Variants in DCTN4 observed in about 807,000 individuals in gnomAD.
The protein encoded by DCTN4 is dynactin 4 (p62).
A neutral mutation model predicts 62.7 loss-of-function variants in DCTN4; 23 were observed. The ratio of observed to expected loss-of-function variants is 0.37; its 90% CI spans 0.26 to 0.52. The LOEUF is 0.52. Among genes scored for constraint, DCTN4 ranks in the 20% least tolerant of loss-of-function variants. The pLI, the probability that DCTN4 is intolerant of heterozygous loss-of-function variation, is 0.92. For missense variants in DCTN4, 514 were observed against 580.4 expected, an observed-to-expected ratio of 0.89 and a Z score of 1.18; for synonymous variants, 199 against 202.1, an observed-to-expected ratio of 0.98 and a Z score of 0.13.
intron 1 of DCTN4, among the ~76,000 whole-genome samples, chr5:150,757,298 C>T (rs116403306): frequency 0.014 from 2,142 of 152,300 alleles, 22 homozygotes; most frequent in Non-Finnish European, 0.019. Context: ...AACCTCTGCA[C>T]TGACTCATCA....
chr5:150,737,909 C>A (rs1760637432), intron 4 of DCTN4, among the ~76,000 whole-genome samples: 3 of 151,914 alleles, frequency 2.0e-5, no homozygotes, highest in African/African-American at 7.2e-5. Flanking sequence ...TCCAAATAAG[C>A]TCAATTAGAA....
At chr5:150,718,857 T>C (rs1160628985) in intron 10 of DCTN4, among the ~76,000 whole-genome samples, 4 of 152,204 alleles carry the variant, frequency 2.6e-5, no homozygotes, top group Non-Finnish European at 5.9e-5. Flanking sequence ...CTCACTCTGT[T>C]GCCCAGGCTG....
chr5:150,716,332 C>T (rs1759756643), intron 11 of DCTN4, among the ~76,000 whole-genome samples: 1 of 152,152 alleles, frequency 6.6e-6, no homozygotes. Flanking sequence ...GGTTCCAACA[C>T]AATGTTTTTT....
chr5:150,741,101 G>C (rs1760751828), intron 4 of DCTN4, among the ~76,000 whole-genome samples: 1 of 148,096 alleles, frequency 6.8e-6, no homozygotes, highest in Non-Finnish European at 1.5e-5. Flanking sequence ...GGAGGTTGAG[G>C]CTGCAGTGAG....
Position 150,722,987 on chromosome 5 carries a change from A to T in DCTN4, c.835-7T>A, listed in dbSNP as rs1450577408. 2 of 1,599,936 alleles carry T rather than the reference A, an allele frequency of 1.3e-6. No homozygotes were observed. Among genetic ancestry groups the T allele is most frequent in the Non-Finnish European group, 1.7e-6 (2 of 1,168,560 alleles). On this transcript the variant is annotated splice_polypyrimidine_tract_variant and splice_region_variant and intron_variant, in intron 8 of 12. Transcript: ENST00000447998. ...TCAAATTATGTTCACATTTCTAAAA[A>T]GAAAACAAATATAACACGTATCAGA...
chr5:150,731,388 C>T (rs1172952589), intron 6 of DCTN4, 28 bp downstream of exon 6: 1 of 1,593,780 alleles, frequency 6.3e-7, no homozygotes, highest in Non-Finnish European at 8.6e-7. Flanking sequence ...TGCTGTTCTC[C>T]TCAAAGTCAT....
At chr5:150,728,941 G>A (rs1457288987) in intron 8 of DCTN4, among the ~76,000 whole-genome samples, 1 of 143,658 alleles carries the variant, frequency 7.0e-6, no homozygotes, top group East Asian at 2.2e-4. Context: ...GCAGTGGTGT[G>A]ATTACTGCTC....
chr5:150,729,860 C>T (rs1049092533), intron 8 of DCTN4, among the ~76,000 whole-genome samples: 5 of 151,614 alleles, frequency 3.3e-5, no homozygotes, highest in Admixed American at 2.6e-4. Flanking sequence ...ATTTTTCTTT[C>T]CTTCTTTCCT....
At chr5:150,746,169 T>C (rs4269283) in intron 3 of DCTN4, among the ~76,000 whole-genome samples, 22,252 of 151,186 alleles carry the variant, frequency 0.15, 2,873 homozygotes, top group African/African-American at 0.35. Flanking sequence ...AACACCTCTA[T>C]GCAAATAAAC....
At chr5:150,740,440 T>C (rs937686811) in intron 4 of DCTN4, among the ~76,000 whole-genome samples, 6 of 152,112 alleles carry the variant, frequency 3.9e-5, no homozygotes, top group Non-Finnish European at 8.8e-5. Context: ...GGGACACTTT[T>C]ACACTGTTGG....
chr5:150,750,404 A>C (rs1483917141), intron 3 of DCTN4, among the ~76,000 whole-genome samples: 5 of 152,192 alleles, frequency 3.3e-5, no homozygotes, highest in African/African-American at 1.2e-4. Context: ...CTGCTAAATC[A>C]TTTTGGAGTG....
rs368975459 is a variant in DCTN4 at position 150,725,599 on chromosome 5, A to G, written c.835-2619T>C. 6.6e-5 allele frequency among the ~76,000 whole-genome samples: 10 copies of G among 152,108 alleles called. No homozygotes were observed. In the East Asian group the frequency reaches 1.3e-3, roughly 21 times the overall value. The stretch of plus-strand genomic sequence containing the variant: ...TCTTGAAATGGATGCTGACATCGCT[A>G]ATCTTTTAATATTTCTTCTTTTCTA... On this transcript the variant is annotated intron_variant, in intron 8 of 12. Coordinates refer to ENST00000447998, the MANE Select transcript of DCTN4 (RefSeq NM_016221.4).
intron 5 of DCTN4, among the ~76,000 whole-genome samples, chr5:150,732,647 G>C (rs1299121229): frequency 6.6e-6 from 1 of 152,172 alleles, no homozygotes; most frequent in Non-Finnish European, 1.5e-5. Context: ...TTAGCACAGA[G>C]CTTGACACAT....
chr5:150,756,154 G>C (rs931959443), intron 2 of DCTN4, among the ~76,000 whole-genome samples: 1 of 149,406 alleles, frequency 6.7e-6, no homozygotes, highest in Non-Finnish European at 1.5e-5. Context: ...CAATTCATCT[G>C]CCTCAGCCTC....
chr5:150,752,437 TGAGC>T (rs1258750592), intron 3 of DCTN4, among the ~76,000 whole-genome samples: 5 of 152,222 alleles, frequency 3.3e-5, no homozygotes, highest in Admixed American at 2.0e-4. Context: ...TAAAAGTTTT[TGAGC>T]ACATGTTTGA....
chr5:150,731,898 A>G (rs1458681048), intron 5 of DCTN4: 1 of 1,551,654 alleles, frequency 6.4e-7, no homozygotes, highest in African/African-American at 1.4e-5. Context: ...CTACATGAAT[A>G]GTATGTTGCT....
chr5:150,733,030 T>C (rs892981512), intron 5 of DCTN4, among the ~76,000 whole-genome samples: 2 of 152,190 alleles, frequency 1.3e-5, no homozygotes, highest in African/African-American at 2.4e-5. Flanking sequence ...AAATCTACCA[T>C]TTGCCCACCT....
In DCTN4 at chr5:150,728,534, T is replaced by C. The variant is rs144054375; in HGVS notation, c.834+2097A>G. ...TCCCAAAATGATTTGTCCATTTATGTAATTTTCTCAAATGTCGCTTTATAT... is the reference window on the plus strand; with the variant it reads ...TCCCAAAATGATTTGTCCATTTATGCAATTTTCTCAAATGTCGCTTTATAT... On this transcript the variant is annotated intron_variant, in intron 8 of 12. Transcript: ENST00000447998. Among the ~76,000 whole-genome samples the C allele has an allele frequency of 3.6e-3, 542 of 152,370 alleles. 4 individuals are homozygous for C. The highest frequency in any genetic ancestry group is 0.012 in the African/African-American group (519 of 41,586).
rs1312727357 is a variant in DCTN4 at position 150,731,173 on chromosome 5, AC to A, written c.612-18del. On this transcript the variant is annotated intron_variant, in intron 6 of 12. Coordinates refer to ENST00000447998, the MANE Select transcript of DCTN4 (RefSeq NM_016221.4). ...TCTTTAAGGCTGAAAAATTAAAAAA[AC>A]AAAACAAAACAAAACAAAAGAGTAA... The A allele has an allele frequency of 6.8e-6, 10 of 1,459,880 alleles. No homozygotes were observed. In the African/African-American group the frequency reaches 7.0e-5, roughly 10 times the overall value. 90.4% of individuals were successfully genotyped at this position (1,459,880 alleles called of 1,614,324 possible).
Sources: gnomAD v4.1 joint callset for allele counts (sites outside exome capture counted in the v4.1 genomes callset) on GRCh38, gnomAD v4.1.1 for gene constraint, MANE v1.5 for transcripts, NCBI Gene and HGNC (gene_info 2026-07-23, HGNC 2026-07-21) for gene names.